Variants in TMEM65 observed in about 807,000 individuals in gnomAD.
TMEM65 encodes transmembrane protein 65.
A neutral mutation model predicts 25.4 loss-of-function variants in TMEM65; 22 were observed. The ratio of observed to expected loss-of-function variants is 0.86; its 90% CI spans 0.62 to 1.23. TMEM65 has a LOEUF of 1.23. Among genes scored for constraint, TMEM65 ranks in the 50% most tolerant of loss-of-function variants. The pLI is 0.00. For missense variants in TMEM65, 262 were observed against 308.2 expected (o/e 0.85, Z 1.12); for synonymous variants, 132 against 126.2 (o/e 1.05, Z -0.31).
At chr8:124,339,158 C>A (rs1814549972) in intron 1 of TMEM65, among the ~76,000 whole-genome samples, 1 of 132,728 alleles carries the variant, frequency 7.5e-6, no homozygotes, top group Admixed American at 8.2e-5. Context: ...CACCACTGTA[C>A]TCCAGCCTGG....
chr8:124,361,020 C>CA (rs1290851427), intron 1 of TMEM65, among the ~76,000 whole-genome samples: 1 of 152,024 alleles, frequency 6.6e-6, no homozygotes, highest in Non-Finnish European at 1.5e-5. Context: ...TGTTAATAAA[C>CA]AAAAAAATTG....
chr8:124,345,889 A>G (rs6984232), intron 1 of TMEM65, among the ~76,000 whole-genome samples: 137,094 of 152,142 alleles, frequency 0.9, 61,893 homozygotes, highest in East Asian at 1. Flanking sequence ...GATTACAGGC[A>G]CATGCCACCA....
At position 124,330,797 on chromosome 8, in the gene TMEM65, A is replaced by T; in HGVS notation, c.305-5T>A. The stretch of plus-strand genomic sequence containing the variant: ...GTGGTGGAGCTTCCAATTTTTCTAA[A>T]GGGGAGAAAAAGGATGTGGGGCAAG... On this transcript the variant is annotated splice_polypyrimidine_tract_variant and splice_region_variant and intron_variant, in intron 1 of 6. Coordinates refer to ENST00000297632, the MANE Select transcript of TMEM65 (RefSeq NM_194291.3). 6.3e-7 allele frequency: 1 copy of T among 1,578,918 alleles called. No homozygotes were observed. The highest frequency in any genetic ancestry group is 8.6e-7 in the Non-Finnish European group (1 of 1,166,778).
chr8:124,334,677 T>C (rs984416601), intron 1 of TMEM65, among the ~76,000 whole-genome samples: 3 of 146,628 alleles, frequency 2.0e-5, no homozygotes, highest in African/African-American at 5.1e-5. Context: ...GGCAGGAGAA[T>C]TGCTTGAACC....
chr8:124,354,266 AC>A (rs1433143524), intron 1 of TMEM65, among the ~76,000 whole-genome samples: 2 of 152,216 alleles, frequency 1.3e-5, no homozygotes, highest in African/African-American at 4.8e-5. Flanking sequence ...TAAATGCAAC[AC>A]ACAATTCTGA....
At chr8:124,339,147 G>A (rs1276165153) in intron 1 of TMEM65, among the ~76,000 whole-genome samples, 2 of 124,218 alleles carry the variant, frequency 1.6e-5, no homozygotes, top group Non-Finnish European at 3.2e-5. Context: ...AGCCCAGATC[G>A]CACCACTGTA....
At chr8:124,362,243 G>A (rs913085629) in intron 1 of TMEM65, among the ~76,000 whole-genome samples, 4 of 151,972 alleles carry the variant, frequency 2.6e-5, no homozygotes, top group Admixed American at 1.3e-4. Context: ...ATGTGTATTT[G>A]CTGAGAAAAA....
chr8:124,354,454 T>C (rs1814752867), intron 1 of TMEM65, among the ~76,000 whole-genome samples: 1 of 152,180 alleles, frequency 6.6e-6, no homozygotes, highest in South Asian at 2.1e-4. Context: ...TGGTACATAA[T>C]CTGATCCTTA....
chr8:124,327,252 A>T, intron 3 of TMEM65, 102 bp downstream of exon 3: 5 of 738,458 alleles, frequency 6.8e-6, no homozygotes, highest in Non-Finnish European at 1.1e-5. Context: ...CTTGTTCATT[A>T]TGATATTAAA....
At position 124,313,942 on chromosome 8, in the gene TMEM65, A is replaced by C. The variant is rs1563587745; in HGVS notation, c.*18T>G. On this transcript the variant is annotated 3_prime_UTR_variant, in exon 7 of 7. Transcript: ENST00000297632. ...GAGGTACATTAGTTTACATCTTTTTATAGGTATTCTAAGAGGATTAACTTT... is the reference window on the plus strand; with the variant it reads ...GAGGTACATTAGTTTACATCTTTTTCTAGGTATTCTAAGAGGATTAACTTT... The C allele has an allele frequency of 6.5e-7, 1 of 1,543,096 alleles. No homozygotes were observed. Among genetic ancestry groups the C allele is most frequent in the Non-Finnish European group, 8.9e-7 (1 of 1,118,460 alleles).
chr8:124,333,272 T>C (rs1174803331), intron 1 of TMEM65, among the ~76,000 whole-genome samples: 1 of 152,040 alleles, frequency 6.6e-6, no homozygotes, highest in Non-Finnish European at 1.5e-5. Flanking sequence ...TTACTGCCAG[T>C]ATAACATCCC....
At chr8:124,354,035 T>G (rs1814745177) in intron 1 of TMEM65, among the ~76,000 whole-genome samples, 1 of 152,010 alleles carries the variant, frequency 6.6e-6, no homozygotes, top group South Asian at 2.1e-4. Context: ...GAATATAACA[T>G]CAATCCTGTG....
intron 2 of TMEM65, among the ~76,000 whole-genome samples, chr8:124,329,312 A>G (rs147537835): frequency 1.2e-3 from 190 of 152,130 alleles, no homozygotes; most frequent in African/African-American, 4.5e-3. Context: ...CAAATTTAAC[A>G]GGTTAGAAGA....
At chr8:124,321,610 C>A (rs1316498196) in intron 5 of TMEM65, among the ~76,000 whole-genome samples, 1 of 152,080 alleles carries the variant, frequency 6.6e-6, no homozygotes, top group Non-Finnish European at 1.5e-5. Flanking sequence ...TGAAAGTTCC[C>A]CCCTCTAGAA....
At position 124,313,910 on chromosome 8, in the gene TMEM65, A is replaced by C; in HGVS notation, c.*50T>G. ...TCCTAAATGTTGTGACAGCATATTT[A>C]ATTACTGAGGTACATTAGTTTACAT... On this transcript the variant is annotated 3_prime_UTR_variant, in exon 7 of 7. Transcript: ENST00000297632. 8.0e-7 allele frequency: 1 copy of C among 1,247,624 alleles called. No individual in the cohort carries two copies. The highest frequency in any genetic ancestry group is 1.9e-5 in the Admixed American group (1 of 53,358). 77.3% of individuals were successfully genotyped at this position (1,247,624 alleles called of 1,614,324 possible). A position where few individuals can be genotyped will look rare whatever the true frequency, so the allele number is the denominator to read the frequency against.
chr8:124,348,730 G>A (rs948928102), intron 1 of TMEM65, among the ~76,000 whole-genome samples: 2 of 151,996 alleles, frequency 1.3e-5, no homozygotes, highest in Non-Finnish European at 2.9e-5. Context: ...GAGGTTTTTC[G>A]GTGTATGATA....
At position 124,307,502 on chromosome 8, in the gene TMEM65, A is replaced by C. The variant is rs187280581; in HGVS notation, c.*6458T>G. The C allele has an allele frequency of 6.6e-6, 1 of 152,116 alleles. No homozygotes were observed. The allele number at this position is 152,116 out of a possible 1,614,324, so 9.4% of individuals were successfully genotyped here. On this transcript the variant is annotated 3_prime_UTR_variant, in exon 7 of 7. Transcript: ENST00000297632. The stretch of plus-strand genomic sequence containing the variant: ...AGCCATTACTGCATCTATACCAGCA[A>C]ACCTTACACTTTTTGTGATATACCT...
intron 3 of TMEM65, among the ~76,000 whole-genome samples, chr8:124,324,254 G>A (rs968913616): frequency 5.9e-5 from 9 of 152,032 alleles, no homozygotes; most frequent in Non-Finnish European, 1.2e-4. Context: ...TGTATTTTAC[G>A]TAGAAATAAT....
chr8:124,341,013 T>C (rs1426368738), intron 1 of TMEM65, among the ~76,000 whole-genome samples: 1 of 152,048 alleles, frequency 6.6e-6, no homozygotes, highest in African/African-American at 2.4e-5. Flanking sequence ...GTGTGACAAA[T>C]AGTTCACAAT....
Sources: allele counts gnomAD v4.1 joint callset (sites outside exome capture counted in the v4.1 genomes callset), GRCh38; gene constraint gnomAD v4.1.1; transcripts MANE v1.5; gene names NCBI Gene and HGNC (gene_info 2026-07-23, HGNC 2026-07-21).